The following PDE4D variants were observed in gnomAD, a reference collection of about 807,000 sequenced individuals.
PDE4D encodes the protein phosphodiesterase 4D, also known as 3',5'-cyclic-AMP phosphodiesterase 4D.
PDE4D carries 24 observed loss-of-function variants against 87.4 expected under a neutral mutation model. The ratio of observed to expected loss-of-function variants is 0.27; its 90% CI spans 0.20 to 0.39. The LOEUF (loss-of-function observed/expected upper bound fraction) is 0.39. Ranked by LOEUF, PDE4D falls within the 10% of genes least tolerant of loss-of-function variation. The pLI is 1.00. For synonymous variants in PDE4D, 384 were observed against 383.2 expected, an observed-to-expected ratio of 1.00 and a Z score of -0.02; for missense variants, 714 against 1,041.0, an observed-to-expected ratio of 0.69 and a Z score of 4.32.
intron 2 of PDE4D, among the ~76,000 whole-genome samples, chr5:59,989,113 TATAC>T (rs1554129379): frequency 1.3e-3 from 171 of 133,472 alleles, no homozygotes; most frequent in African/African-American, 4.2e-3. Flanking sequence ...TATATATATA[TATAC>T]ACACACACAC....
chr5:59,921,237 G>A (rs1754640694), intron 3 of PDE4D, among the ~76,000 whole-genome samples: 1 of 152,090 alleles, frequency 6.6e-6, no homozygotes, highest in African/African-American at 2.4e-5. Flanking sequence ...AATATAACAT[G>A]TCTAATGTTC....
At chr5:59,811,294 T>G (rs1768318787) in intron 1 of PDE4D, among the ~76,000 whole-genome samples, 1 of 152,192 alleles carries the variant, frequency 6.6e-6, no homozygotes, top group Non-Finnish European at 1.5e-5. Context: ...TTTTCAACTT[T>G]CCACTCTACC....
chr5:59,002,174 A>G, intron 6 of PDE4D: 1 of 375,748 alleles, frequency 2.7e-6, no homozygotes. Context: ...GTTGAGACCT[A>G]GAGAGAAAAA....
intron 1 of PDE4D, among the ~76,000 whole-genome samples, chr5:59,253,950 T>C (rs1037580044): frequency 7.9e-5 from 12 of 152,168 alleles, no homozygotes; most frequent in African/African-American, 2.7e-4. Flanking sequence ...TTTCCTATCA[T>C]TTAATAAGGC....
intron 1 of PDE4D, among the ~76,000 whole-genome samples, chr5:59,322,028 A>G (rs1774814227): frequency 1.3e-5 from 2 of 152,140 alleles, no homozygotes; most frequent in Non-Finnish European, 2.9e-5. Context: ...TAGGGATAAC[A>G]TAATCTGAGG....
At chr5:59,112,347 T>C (rs1476697148) in intron 5 of PDE4D, among the ~76,000 whole-genome samples, 1 of 152,150 alleles carries the variant, frequency 6.6e-6, no homozygotes, top group Admixed American at 6.5e-5. Flanking sequence ...CAATAATCAC[T>C]TTTAACTCTG....
chr5:59,942,511 G>C (rs1757294673), intron 3 of PDE4D, among the ~76,000 whole-genome samples: 1 of 152,190 alleles, frequency 6.6e-6, no homozygotes, highest in Non-Finnish European at 1.5e-5. Flanking sequence ...TGGTAAGAAA[G>C]TGGAGAGAAA....
intron 1 of PDE4D, among the ~76,000 whole-genome samples, chr5:59,847,800 C>T (rs1744083663): frequency 6.6e-6 from 1 of 152,068 alleles, no homozygotes; most frequent in South Asian, 2.1e-4. Context: ...TGGCCTGCGC[C>T]AAGTTATAGA....
At chr5:59,778,289 C>T (rs1226492836) in intron 1 of PDE4D, among the ~76,000 whole-genome samples, 1 of 152,176 alleles carries the variant, frequency 6.6e-6, no homozygotes, top group African/African-American at 2.4e-5. Flanking sequence ...TATGCATCCG[C>T]CAACTCAATA....
chr5:59,431,399 G>A (rs1796092563), intron 1 of PDE4D, among the ~76,000 whole-genome samples: 1 of 152,084 alleles, frequency 6.6e-6, no homozygotes, highest in African/African-American at 2.4e-5. Context: ...CAGGTGTTCA[G>A]AGTATTCTGT....
intron 1 of PDE4D, among the ~76,000 whole-genome samples, chr5:59,863,210 A>G (rs191947361): frequency 1.3e-4 from 20 of 152,318 alleles, no homozygotes; most frequent in Admixed American, 2.0e-4. Flanking sequence ...TTCTAATACT[A>G]AATTCCATGA....
intron 1 of PDE4D, among the ~76,000 whole-genome samples, chr5:60,317,935 G>T (rs192667456): frequency 6.6e-6 from 1 of 152,160 alleles, no homozygotes; most frequent in Non-Finnish European, 1.5e-5. Context: ...GAATAAGTGC[G>T]GTGTGGTACT....
At chr5:59,053,639 T>G (rs1367389192) in intron 5 of PDE4D, among the ~76,000 whole-genome samples, 9 of 104,646 alleles carry the variant, frequency 8.6e-5, no homozygotes, top group Non-Finnish European at 1.1e-4. Context: ...AGTTGTTTTG[T>G]TTTTTGTTTT....
chr5:60,444,531 A>G (rs974426021), intron 1 of PDE4D, among the ~76,000 whole-genome samples: 1 of 152,256 alleles, frequency 6.6e-6, no homozygotes, highest in Middle Eastern at 3.4e-3. Context: ...AGAGATCAGC[A>G]TTGCTTAAGG....
chr5:59,956,442 G>A (rs148249093), intron 3 of PDE4D, among the ~76,000 whole-genome samples: 587 of 152,002 alleles, frequency 3.9e-3, no homozygotes, highest in African/African-American at 0.014. Flanking sequence ...AAAATATTTC[G>A]ATAACATTCT....
chr5:60,511,462 A>G (rs918796383), intron 1 of PDE4D, among the ~76,000 whole-genome samples: 1 of 151,682 alleles, frequency 6.6e-6, no homozygotes, highest in Non-Finnish European at 1.5e-5. Context: ...CTGGAATATT[A>G]TTTGCCAATA....
At chr5:60,360,676 C>G (rs975488105) in intron 1 of PDE4D, among the ~76,000 whole-genome samples, 9 of 152,200 alleles carry the variant, frequency 5.9e-5, no homozygotes, top group Admixed American at 3.9e-4. Context: ...TTCATCCATA[C>G]CTAATGCTAT....
chr5:60,315,343 T>G (rs749504012), intron 1 of PDE4D, among the ~76,000 whole-genome samples: 1 of 152,246 alleles, frequency 6.6e-6, no homozygotes, highest in Non-Finnish European at 1.5e-5. Context: ...GTTTGTTTTT[T>G]TCTAGTAAAT....
intron 1 of PDE4D, among the ~76,000 whole-genome samples, chr5:60,306,538 A>G (rs894141532): frequency 2.6e-5 from 4 of 152,092 alleles, no homozygotes; most frequent in African/African-American, 7.2e-5. Context: ...CAGGACCCCA[A>G]GGAAGGCTGG....
Sources: gnomAD v4.1 joint callset for allele counts (sites outside exome capture counted in the v4.1 genomes callset) on GRCh38, gnomAD v4.1.1 for gene constraint, MANE v1.5 for transcripts, NCBI Gene and HGNC (gene_info 2026-07-23, HGNC 2026-07-21) for gene names.